SIMC1: variants seen among roughly 807,000 people sequenced by gnomAD.
The protein encoded by SIMC1 is SUMO interacting motifs containing 1, also known as SUMO-interacting motif-containing protein 1.
A neutral mutation model predicts 82.3 loss-of-function variants in SIMC1; 55 were observed. The ratio of observed to expected loss-of-function variants is 0.67; its 90% CI spans 0.54 to 0.84. The LOEUF is 0.84. Ranked by LOEUF, SIMC1 falls within the 40% of genes least tolerant of loss-of-function variation. The probability of loss-of-function intolerance (pLI) is 0.00; values close to 1 mark genes in which losing one functional copy is unlikely to be tolerated. For synonymous variants in SIMC1, 353 were observed against 426.3 expected, an observed-to-expected ratio of 0.83 and a Z score of 2.12; for missense variants, 915 against 1,107.2, an observed-to-expected ratio of 0.83 and a Z score of 2.46.
intron 1 of SIMC1, among the ~76,000 whole-genome samples, chr5:176,277,681 CCCA>C (rs1465897595): frequency 6.6e-6 from 1 of 152,040 alleles, no homozygotes. Flanking sequence ...AGCCGGTTTT[CCCA>C]GCACCATTTA....
intron 1 of SIMC1, among the ~76,000 whole-genome samples, chr5:176,244,719 CTTTTTTTT>C (rs1177032281): frequency 8.7e-6 from 1 of 114,504 alleles, no homozygotes. Flanking sequence ...TTTTTTTTTC[CTTTTTTTT>C]TTTTTTTTTT....
chr5:176,253,603 A>G (rs536960086), intron 1 of SIMC1, among the ~76,000 whole-genome samples: 2 of 152,302 alleles, frequency 1.3e-5, no homozygotes, highest in Admixed American at 1.3e-4. Context: ...ATTGACAACT[A>G]GGAGTCAGCG....
At chr5:176,342,716 G>A (rs1175685785) in intron 9 of SIMC1, among the ~76,000 whole-genome samples, 3 of 152,164 alleles carry the variant, frequency 2.0e-5, no homozygotes, top group Non-Finnish European at 4.4e-5. Context: ...CTCCTCATCC[G>A]TCAATACTCA....
At chr5:176,324,783 G>A (rs764574674) in intron 7 of SIMC1, 26 bp downstream of exon 7, 37 of 1,515,336 alleles carry the variant, frequency 2.4e-5, no homozygotes, top group East Asian at 1.4e-4. Context: ...GTTGGGGAGA[G>A]CAGTTATTTA....
At chr5:176,284,509 G>C (rs966034124) in intron 1 of SIMC1, among the ~76,000 whole-genome samples, 3 of 152,102 alleles carry the variant, frequency 2.0e-5, no homozygotes, top group African/African-American at 7.2e-5. Flanking sequence ...AGAATCTCTG[G>C]GATACATTTA....
chr5:176,282,401 C>T (rs555496677), intron 1 of SIMC1, among the ~76,000 whole-genome samples: 2 of 152,366 alleles, frequency 1.3e-5, no homozygotes, highest in African/African-American at 2.4e-5. Flanking sequence ...GGCAATGCCT[C>T]GCCCTGCTTC....
chr5:176,262,684 A>G (rs1281303958), intron 1 of SIMC1, among the ~76,000 whole-genome samples: 1 of 152,186 alleles, frequency 6.6e-6, no homozygotes, highest in Non-Finnish European at 1.5e-5. Flanking sequence ...GAGCACCTGT[A>G]GTCCTAGCTA....
intron 1 of SIMC1, among the ~76,000 whole-genome samples, chr5:176,248,560 A>G (rs1034848119): frequency 6.6e-6 from 1 of 152,120 alleles, no homozygotes; most frequent in Non-Finnish European, 1.5e-5. Flanking sequence ...AAACAGAGAT[A>G]GTTTGACTTC....
chr5:176,293,232 G>A (rs1460698802), intron 2 of SIMC1, among the ~76,000 whole-genome samples: 6 of 152,176 alleles, frequency 3.9e-5, no homozygotes, highest in Middle Eastern at 3.4e-3. Flanking sequence ...GAGCCCAGGA[G>A]TTTGAGACCA....
intron 1 of SIMC1, among the ~76,000 whole-genome samples, chr5:176,272,808 G>A (rs1297659780): frequency 6.6e-6 from 1 of 152,224 alleles, no homozygotes; most frequent in African/African-American, 2.4e-5. Context: ...AGCTTGGAGG[G>A]TCCCACACCC....
intron 1 of SIMC1, among the ~76,000 whole-genome samples, chr5:176,283,930 G>A (rs1763137904): frequency 1.3e-5 from 2 of 152,090 alleles, no homozygotes; most frequent in African/African-American, 4.8e-5. Context: ...GACAAAGAAG[G>A]CCATTACATA....
chr5:176,320,005 T>C lies in SIMC1; in HGVS notation c.1890-2268T>C, dbSNP rs765161936. 3.3e-5 allele frequency among the ~76,000 whole-genome samples: 5 copies of C among 152,210 alleles called. No individual in the cohort carries two copies. In the South Asian group the frequency reaches 1.0e-3, roughly 32 times the overall value. On this transcript the variant is annotated intron_variant, in intron 5 of 9. Coordinates refer to ENST00000429602, the MANE Select transcript of SIMC1 (RefSeq NM_001308195.2). The stretch of plus-strand genomic sequence containing the variant: ...CCTCTAGGTGGAACTGATTTCTCAT[T>C]TCTAAGAAAATTTCTTGAGTCAAGG...
intron 1 of SIMC1, among the ~76,000 whole-genome samples, chr5:176,277,733 A>G (rs1193071081): frequency 6.6e-6 from 1 of 151,820 alleles, no homozygotes; most frequent in Non-Finnish European, 1.5e-5. Flanking sequence ...TGTTTTTCTC[A>G]GGTTTGTCAA....
Position 176,324,741 on chromosome 5 carries a change from C to A in SIMC1, c.2155C>A (p.Pro719Thr). ...EMMFGFVLDIPERSQREMFFT... is the reference protein window; with the variant it reads ...EMMFGFVLDITERSQREMFFT... ...GATGTTTGGGTTTGTGCTGGACATT[C>A]CTGAGAGGAGCCAGAGGTGAGTCTT... The change falls in exon 7 of 10, where the codon CCT becomes ACT. Residue 719 changes from proline to threonine, a missense_variant. Physicochemically the swap from Pro to Thr is conservative, Grantham distance 38. Coordinates refer to ENST00000429602, the MANE Select transcript of SIMC1 (RefSeq NM_001308195.2). 6.3e-7 allele frequency: 1 copy of A among 1,596,292 alleles called. No individual in the cohort carries two copies. The highest frequency in any genetic ancestry group is 8.5e-7 in the Non-Finnish European group (1 of 1,171,160).
intron 4 of SIMC1, among the ~76,000 whole-genome samples, chr5:176,306,135 G>A (rs1301827528): frequency 1.5e-5 from 1 of 66,396 alleles, no homozygotes; most frequent in African/African-American, 5.6e-5. Flanking sequence ...CCTCTGCCCG[G>A]CCAGCCGCCC....
Position 176,303,249 on chromosome 5 carries a change from C to T in SIMC1, c.1734+6929C>T, listed in dbSNP as rs1764117647. ...CGCCACTGCATTCCAGTGTGGGTGA[C>T]AGAGTGAGACTCTGTCTTTAAAAAA... is the stretch of plus-strand genomic sequence containing the variant. On this transcript the variant is annotated intron_variant, in intron 4 of 9. Transcript: ENST00000429602. Among the ~76,000 whole-genome samples, 4 of 122,560 alleles carry T rather than the reference C, an allele frequency of 3.3e-5. No homozygotes were observed. In the South Asian group the frequency reaches 1.1e-3, roughly 34 times the overall value. The allele number at this position is 122,560 out of a possible 152,430, so 80.4% of individuals were successfully genotyped here. A position where few individuals can be genotyped will look rare whatever the true frequency, so the allele number is the denominator to read the frequency against.
rs550919656 is a variant in SIMC1 at position 176,307,183 on chromosome 5, T to C, written c.1735-6508T>C. On this transcript the variant is annotated intron_variant, in intron 4 of 9. Coordinates refer to ENST00000429602, the MANE Select transcript of SIMC1 (RefSeq NM_001308195.2). ...AGTGTGGGCAAGAATTTGGAGAAAT[T>C]AGAACCTTTGTGCACTCTTGGGATT... is the stretch of plus-strand genomic sequence containing the variant. 1.1e-3 allele frequency among the ~76,000 whole-genome samples: 165 copies of C among 152,300 alleles called. 3 individuals are homozygous for C. The South Asian group carries it at 0.019, about 17-fold the overall frequency.
chr5:176,331,966 A>T lies in SIMC1; in HGVS notation c.2172-4754A>T, dbSNP rs1380248095. 2.7e-5 allele frequency among the ~76,000 whole-genome samples: 4 copies of T among 145,928 alleles called. No homozygotes were observed. The East Asian group carries it at 6.0e-4, about 22-fold the overall frequency. On this transcript the variant is annotated intron_variant, in intron 7 of 9. Coordinates refer to ENST00000429602, the MANE Select transcript of SIMC1 (RefSeq NM_001308195.2). ...CCTGGGCAACAGAGCAAGACTGTCT[A>T]AAAAAAAAAACAAACAAACACAAAC...
At chr5:176,301,146 T>C (rs1317746416) in intron 4 of SIMC1, among the ~76,000 whole-genome samples, 1 of 152,146 alleles carries the variant, frequency 6.6e-6, no homozygotes, top group Non-Finnish European at 1.5e-5. Context: ...AATCTCATCT[T>C]GAATTGTAGC....
Sources: gnomAD v4.1 joint callset for allele counts (sites outside exome capture counted in the v4.1 genomes callset) on GRCh38, gnomAD v4.1.1 for gene constraint, MANE v1.5 for transcripts, NCBI Gene and HGNC (gene_info 2026-07-23, HGNC 2026-07-21) for gene names.